The following ERICH1 variants were observed in gnomAD, a reference collection of about 807,000 sequenced individuals.
ERICH1 encodes the protein glutamate-rich protein 1.
ERICH1 carries 56 observed loss-of-function variants against 39.6 expected under a neutral mutation model. That is an observed-to-expected ratio of 1.41 (90% CI 1.14 to 1.77). The LOEUF is 1.77. Ranked by LOEUF, ERICH1 falls within the 40% of genes most tolerant of loss-of-function variation. The pLI is 0.00. For missense variants in ERICH1, 826 were observed against 575.4 expected (o/e 1.44, Z -4.45); for synonymous variants, 313 against 223.6 (o/e 1.40, Z -3.57).
chr8:625,173 C>T (rs780584377), intron 3 of ERICH1, among the ~76,000 whole-genome samples: 6 of 152,138 alleles, frequency 3.9e-5, no homozygotes, highest in South Asian at 2.1e-4. Flanking sequence ...GGTGGGGACA[C>T]GAATCCGAAC....
intron 2 of ERICH1, among the ~76,000 whole-genome samples, chr8:694,886 G>A (rs1239101932): frequency 3.9e-5 from 6 of 152,124 alleles, no homozygotes; most frequent in East Asian, 1.9e-4. Flanking sequence ...TCCGCCGGAC[G>A]CACAGAGAAT....
chr8:701,524 C>T (rs867342457), intron 2 of ERICH1, among the ~76,000 whole-genome samples: 3 of 152,208 alleles, frequency 2.0e-5, no homozygotes, highest in East Asian at 1.9e-4. Flanking sequence ...AGGACAGAGC[C>T]GCTGCCACAG....
chr8:681,869 T>C (rs1041264479), intron 3 of ERICH1, among the ~76,000 whole-genome samples: 4 of 152,074 alleles, frequency 2.6e-5, no homozygotes, highest in African/African-American at 9.7e-5. Context: ...AGCAACAAAG[T>C]CACTTTCGCA....
downstream of ERICH1, among the ~76,000 whole-genome samples, chr8:663,621 C>T (rs1801759481): frequency 6.6e-6 from 1 of 152,106 alleles, no homozygotes; most frequent in Non-Finnish European, 1.5e-5. Context: ...GTGTGGTGGC[C>T]CCAGCAAACG....
chr8:704,375 C>T (rs1368588625), intron 2 of ERICH1, among the ~76,000 whole-genome samples: 4 of 151,992 alleles, frequency 2.6e-5, no homozygotes. Flanking sequence ...GAAGAGGCCA[C>T]GGAAGATGAA....
In ERICH1 at chr8:635,859, T is replaced by C. The variant is rs566020265; in HGVS notation, c.977-20575A>G. Among the ~76,000 whole-genome samples the C allele has an allele frequency of 1.6e-4, 25 of 152,354 alleles. 1 individual carries two copies. In the East Asian group the frequency reaches 4.6e-3, roughly 28 times the overall value. On this transcript the variant is annotated intron_variant, in intron 3 of 3. Coordinates refer to the ERICH1 transcript ENST00000522706. The stretch of plus-strand genomic sequence containing the variant: ...ACCAAAGTTTGTGTTCAACCAACTC[T>C]GGATCCAAAACGCAGCAGGTCCTTC...
chr8:689,073 G>C (rs955550421), intron 3 of ERICH1, among the ~76,000 whole-genome samples: 2 of 152,172 alleles, frequency 1.3e-5, no homozygotes, highest in African/African-American at 4.8e-5. Context: ...TTCCCAGAGA[G>C]GTACACTCAT....
intron 2 of ERICH1, among the ~76,000 whole-genome samples, chr8:702,189 A>C (rs1812308592): frequency 6.6e-6 from 1 of 152,020 alleles, no homozygotes. Flanking sequence ...CCGCAGAAAC[A>C]CGGGCAAAGG....
At chr8:724,803 G>C (rs780507373) in intron 1 of ERICH1, among the ~76,000 whole-genome samples, 14 of 152,178 alleles carry the variant, frequency 9.2e-5, no homozygotes, top group South Asian at 4.1e-4. Flanking sequence ...CGTGTTGTTT[G>C]CACGGGCAGG....
At chr8:665,344 G>A (rs1265190804) in intron 5 of ERICH1, among the ~76,000 whole-genome samples, 2 of 152,136 alleles carry the variant, frequency 1.3e-5, no homozygotes, top group East Asian at 1.9e-4. Context: ...TGTGCTCACC[G>A]GGCTCACGGG....
chr8:715,933 G>A lies in ERICH1; in HGVS notation c.97C>T (p.Leu33=). Residue 33 remains leucine, a synonymous_variant, in exon 2 of 6, where the codon CTG becomes TTG. Transcript: ENST00000262109. ...TTCTTTGGTGGATTTTGGACGGCCA[G>A]CGTCTGGGGTTCCCTCTTTCCTTGG... ...SGQGKREPQT[L]AVQNPPKKVT... 2 of 1,614,056 alleles carry A rather than the reference G, an allele frequency of 1.2e-6. No homozygotes were observed. The highest frequency in any genetic ancestry group is 1.1e-5 in the South Asian group (1 of 91,034).
At chr8:624,943 G>A (rs1194981450) in intron 3 of ERICH1, among the ~76,000 whole-genome samples, 1 of 152,064 alleles carries the variant, frequency 6.6e-6, no homozygotes, top group Non-Finnish European at 1.5e-5. Flanking sequence ...AGCCAGGATG[G>A]TCTTGATCTC....
In ERICH1 at chr8:673,402, G is replaced by C; in HGVS notation, c.950C>G (p.Ser317Cys). 1 of 1,614,006 alleles carries C rather than the reference G, an allele frequency of 6.2e-7. No individual in the cohort carries two copies. Among genetic ancestry groups the C allele is most frequent in the Non-Finnish European group, 8.5e-7 (1 of 1,179,964 alleles). ...GGCGTCTGCACCGTCCTCCTCCCCG[G>C]AGTCTGCACCCTCTTCCTCCCCAGC... ...TWAGEEEGAD[S>C]GEEDGADASE... is the part of the protein sequence containing the mutation. Residue 317 changes from serine (S) to cysteine (C), a missense_variant, in exon 4 of 6, where the codon TCC becomes TGC. Transcript: ENST00000262109.
intron 3 of ERICH1, among the ~76,000 whole-genome samples, chr8:656,580 A>G (rs540501445): frequency 6.6e-6 from 1 of 152,282 alleles, no homozygotes; most frequent in South Asian, 2.1e-4. Flanking sequence ...TCCTCCATTA[A>G]CGATCTTGTT....
chr8:716,392 C>T lies in ERICH1; in HGVS notation c.23-385G>A, dbSNP rs530337472. Among the ~76,000 whole-genome samples the T allele has an allele frequency of 1.5e-4, 23 of 152,306 alleles. No homozygotes were observed. In the East Asian group the frequency reaches 1.5e-3, roughly 10 times the overall value. On this transcript the variant is annotated intron_variant, in intron 1 of 5. Transcript: ENST00000262109. ...AGTGGGGGCTGTGGTCCTGGGTGGA[C>T]GGTGTCAGTGGCCCACAGTGCTTGG...
At chr8:615,044 G>A (rs945463432) in exon 4 of ERICH1, 9 of 463,754 alleles carry the variant, frequency 1.9e-5, no homozygotes, top group Non-Finnish European at 2.3e-5. Flanking sequence ...ACGTGGCTAC[G>A]CTCCCAGCAG....
rs1257127934 is a variant in ERICH1 at position 668,658 on chromosome 8, C to G, written c.1198G>C (p.Asp400His). 5.6e-6 allele frequency: 9 copies of G among 1,614,060 alleles called. No individual in the cohort carries two copies. The Admixed American group carries it at 1.2e-4, about 21-fold the overall frequency. The change falls in exon 5 of 6, where the codon GAT (aspartate) becomes CAT (histidine). Residue 400 changes from aspartate to histidine, a missense_variant. Coordinates refer to ENST00000262109, the MANE Select transcript of ERICH1 (RefSeq NM_207332.3). ...YHMKTLLLLQ[D>H]TERLKHALEM... ...AGAGCATGCTTCAATCTCTCAGTAT[C>G]TTGCAGGAGCAGCAGCGTTTTCATG...
chr8:631,000 C>T (rs1050496977), intron 3 of ERICH1, among the ~76,000 whole-genome samples: 1 of 150,920 alleles, frequency 6.6e-6, no homozygotes, highest in Non-Finnish European at 1.5e-5. Context: ...CTCCTATGAG[C>T]AACCACGTGG....
intron 3 of ERICH1, among the ~76,000 whole-genome samples, chr8:632,361 G>A (rs1057184175): frequency 3.3e-5 from 5 of 152,028 alleles, no homozygotes; most frequent in African/African-American, 1.2e-4. Flanking sequence ...AAGGCTGCAA[G>A]AAATGTTTAA....
Sources: gnomAD v4.1 joint callset for allele counts (sites outside exome capture counted in the v4.1 genomes callset) on GRCh38, gnomAD v4.1.1 for gene constraint, MANE v1.5 for transcripts, NCBI Gene and HGNC (gene_info 2026-07-23, HGNC 2026-07-21) for gene names.